The following PTCH1 variants were observed in gnomAD, a reference collection of about 807,000 sequenced individuals.
PTCH1 encodes the protein patched 1, also known as protein patched homolog 1.
Under a neutral mutation model 144.6 loss-of-function variants are expected in PTCH1, and 14 were observed. The ratio of observed to expected loss-of-function variants is 0.10; its 90% CI spans 0.06 to 0.15. PTCH1 has a LOEUF of 0.15. Among genes scored for constraint, PTCH1 ranks in the 10% least tolerant of loss-of-function variants. The pLI is 1.00. For synonymous variants in PTCH1, 833 were observed against 793.6 expected (o/e 1.05, Z -0.83); for missense variants, 1,623 against 1,948.3 (o/e 0.83, Z 3.14).
rs1839108227 is a variant in PTCH1 at position 95,458,097 on chromosome 9, C to T, written c.3084G>A (p.Leu1028=). 1 of 1,614,252 alleles carries T rather than the reference C, an allele frequency of 6.2e-7. No homozygotes were observed. ...WEQYIGLRHW[L]LLFISVVLAC... is the part of the protein sequence containing the mutation. ...CCAACACCACGCTGATGAACAGCAG[C>T]AGCCAGTGGCGGAGGCCGATGTACT... The change falls in exon 18 of 24, where the codon CTG becomes CTA. Residue 1028 remains leucine, a synonymous_variant. Coordinates refer to ENST00000331920, the MANE Select transcript of PTCH1 (RefSeq NM_000264.5). This position sits in a 1 kb window ranked among gnomAD's most constrained non-coding sequence, Gnocchi z 4.7.
At position 95,446,984 on chromosome 9, in the gene PTCH1, A is replaced by G. The variant is rs1340510752; in HGVS notation, c.4272T>C (p.Asp1424=). The change falls in exon 23 of 24, where the codon GAT becomes GAC. Residue 1424 remains aspartate (D), a synonymous_variant. Coordinates refer to ENST00000331920, the MANE Select transcript of PTCH1 (RefSeq NM_000264.5). ...GCAGCTCAATGACTTCCACCTTCGA[A>G]TCCCTCCTCTCACACCGGACGTGGA... is the stretch of plus-strand genomic sequence containing the variant. ...VPFHVRCERR[D]SKVEVIELQD... The G allele has an allele frequency of 1.9e-6, 3 of 1,613,888 alleles. No homozygotes were observed. Among genetic ancestry groups the G allele is most frequent in the Admixed American group, 3.3e-5 (2 of 60,002 alleles).
chr9:95,473,362 CA>C (rs1840743100), intron 12 of PTCH1, among the ~76,000 whole-genome samples: 1 of 152,030 alleles, frequency 6.6e-6, no homozygotes, highest in Non-Finnish European at 1.5e-5. Flanking sequence ...TAGCATCTTG[CA>C]AATATAAACA....
chr9:95,499,080 T>C (rs1842972314), intron 2 of PTCH1, among the ~76,000 whole-genome samples: 1 of 152,176 alleles, frequency 6.6e-6, no homozygotes, highest in South Asian at 2.1e-4. Flanking sequence ...AACCCAGTTC[T>C]TCCACTGTCC....
chr9:95,486,045 A>G (rs1007146464), intron 2 of PTCH1, among the ~76,000 whole-genome samples, 171 bp from the exon 3 acceptor site: 4 of 152,268 alleles, frequency 2.6e-5, no homozygotes, highest in Admixed American at 1.3e-4. Flanking sequence ...TAACTTCACC[A>G]ATAGTAAACA....
chr9:95,445,380 T>C lies in PTCH1; in HGVS notation c.*1013A>G, dbSNP rs2090916543. On this transcript the variant is annotated 3_prime_UTR_variant, in exon 24 of 24. Coordinates refer to ENST00000331920, the MANE Select transcript of PTCH1 (RefSeq NM_000264.5). ...GCTTTTTAGAGTATACAGACTCTCATGGCCCAGCCAAGGCTCAGCACTAGG... is the reference window on the plus strand; with the variant it reads ...GCTTTTTAGAGTATACAGACTCTCACGGCCCAGCCAAGGCTCAGCACTAGG... The C allele has an allele frequency of 6.6e-6, 1 of 152,170 alleles. No homozygotes were observed. The allele number at this position is 152,170 out of a possible 1,614,324, so 9.4% of individuals were successfully genotyped here.
rs757268536 is a variant in PTCH1, at chr9:95,456,402, C to T, written c.3180G>A (p.Leu1060=). 6.2e-7 allele frequency: 1 copy of T among 1,613,940 alleles called. No individual in the cohort carries two copies. Among genetic ancestry groups the T allele is most frequent in the Non-Finnish European group, 8.5e-7 (1 of 1,180,024 alleles). Residue 1060 remains leucine, a synonymous_variant, in exon 19 of 24, where the codon CTG becomes CTA. Coordinates refer to ENST00000331920, the MANE Select transcript of PTCH1 (RefSeq NM_000264.5). ...CGAACAGCTCGACCGTCATCAGCGC[C>T]AGGACCATCACCTGGAGCAGGGCAC... is the stretch of plus-strand genomic sequence containing the variant. ...PWTAGIIVMV[L]ALMTVELFGM...
At position 95,508,754 on chromosome 9, in the gene PTCH1, C is replaced by A. The variant is rs970427233; in HGVS notation, c.-393G>T. ...GTCCCCAACTCCCCCTACCCGCCCCCCGCCCCGCGCCGCGACCCCTTCACT... is the reference window on the plus strand; with the variant it reads ...GTCCCCAACTCCCCCTACCCGCCCCACGCCCCGCGCCGCGACCCCTTCACT... On this transcript the variant is annotated 5_prime_UTR_variant, in exon 1 of 24. Transcript: ENST00000331920. The A allele has an allele frequency of 5.7e-5, 56 of 984,498 alleles. No individual in the cohort carries two copies. The highest frequency in any genetic ancestry group is 6.4e-5 in the Non-Finnish European group (53 of 829,276). The allele number at this position is 984,498 out of a possible 1,614,324, so 61.0% of individuals were successfully genotyped here.
chr9:95,506,659 C>A (rs1341204707), intron 1 of PTCH1, 60 bp from the exon 2 acceptor site: 3 of 1,461,704 alleles, frequency 2.1e-6, no homozygotes, highest in Non-Finnish European at 2.7e-6. Flanking sequence ...CGCGCCCACG[C>A]CCGCTTGCGC....
chr9:95,447,819 G>A (rs1202391291), intron 22 of PTCH1, among the ~76,000 whole-genome samples: 3 of 152,216 alleles, frequency 2.0e-5, no homozygotes, highest in Non-Finnish European at 2.9e-5. Context: ...CTAAGTGTGC[G>A]GCCCTGGCTG....
chr9:95,468,642 A>T (rs572547790), intron 14 of PTCH1, 109 bp downstream of exon 14: 19 of 1,264,368 alleles, frequency 1.5e-5, no homozygotes, highest in East Asian at 2.5e-5. Flanking sequence ...CTTAAACGAA[A>T]TTTTTTTTTT....
intron 18 of PTCH1, among the ~76,000 whole-genome samples, chr9:95,457,036 G>T (rs1839004467): frequency 6.6e-6 from 1 of 152,146 alleles, no homozygotes; most frequent in Non-Finnish European, 1.5e-5. Context: ...GAAGAGCTGG[G>T]GACAGCTGGG....
intron 8 of PTCH1, among the ~76,000 whole-genome samples, chr9:95,478,659 C>T (rs371248883): frequency 7.2e-5 from 11 of 152,180 alleles, no homozygotes; most frequent in Non-Finnish European, 1.5e-4. Flanking sequence ...CATGACCTGA[C>T]CAAGGGGCCT....
At chr9:95,483,467 A>G (rs1330305217) in intron 3 of PTCH1, 1 of 150,704 alleles carries the variant, frequency 6.6e-6, no homozygotes, top group Non-Finnish European at 1.5e-5. Context: ...CAACTGCTCT[A>G]TTCTTGGCCT....
chr9:95,512,150 A>C (rs1377847273), upstream of PTCH1, among the ~76,000 whole-genome samples: 1 of 152,202 alleles, frequency 6.6e-6, no homozygotes, highest in Non-Finnish European at 1.5e-5. Flanking sequence ...ACGTCATTTC[A>C]GTGGCAAAGC....
intron 12 of PTCH1, among the ~76,000 whole-genome samples, chr9:95,473,331 T>C (rs577595170): frequency 6.6e-6 from 1 of 152,304 alleles, no homozygotes; most frequent in South Asian, 2.1e-4. Context: ...CTTGGGTCAC[T>C]CCCTTTTGAT....
chr9:95,474,315 C>T (rs371566664), intron 12 of PTCH1, among the ~76,000 whole-genome samples: 10 of 151,944 alleles, frequency 6.6e-5, no homozygotes, highest in South Asian at 2.1e-4. Flanking sequence ...ATACCAGCAC[C>T]GGCTGCACGT....
At position 95,480,377 on chromosome 9, in the gene PTCH1, T is replaced by C. The variant is rs1018279665; in HGVS notation, c.945+13A>G. 1.2e-6 allele frequency: 2 copies of C among 1,610,034 alleles called. No homozygotes were observed. The highest frequency in any genetic ancestry group is 1.4e-5 in the African/African-American group (1 of 73,746). ...TCTCCACCCTTCTGAGAGCGCTCAC[T>C]GCTGGTACTCACTTTGGTTGAATTT... On this transcript the variant is annotated intron_variant, in intron 6 of 23. Coordinates refer to ENST00000331920, the MANE Select transcript of PTCH1 (RefSeq NM_000264.5).
rs973294292 is a variant in PTCH1 at position 95,445,292 on chromosome 9, A to G, written c.*1101T>C. 6.6e-6 allele frequency: 1 copy of G among 152,178 alleles called. No homozygotes were observed. Among genetic ancestry groups the G allele is most frequent in the Non-Finnish European group, 1.5e-5 (1 of 68,062 alleles). The allele number at this position is 152,178 out of a possible 1,614,324, so 9.4% of individuals were successfully genotyped here. On this transcript the variant is annotated 3_prime_UTR_variant, in exon 24 of 24. Transcript: ENST00000331920. ...GTGACAGGGCCACATCCACTCTTGAATTTGGGGGTGTTGGGGGAGGGGTCG... is the reference window on the plus strand; with the variant it reads ...GTGACAGGGCCACATCCACTCTTGAGTTTGGGGGTGTTGGGGGAGGGGTCG...
At chr9:95,508,071 AAG>A (rs1469465192) in intron 1 of PTCH1, 88 bp downstream of exon 1, 18 of 1,578,134 alleles carry the variant, frequency 1.1e-5, no homozygotes, top group South Asian at 3.4e-5. Flanking sequence ...GAGAGAGAGG[AAG>A]AGAGTGTGTG....
Sources: gnomAD v4.1 joint callset for allele counts (sites outside exome capture counted in the v4.1 genomes callset) on GRCh38, gnomAD v4.1.1 for gene constraint, Gnocchi (gnomAD v3.1) non-coding constraint, MANE v1.5 for transcripts, NCBI Gene and HGNC (gene_info 2026-07-23, HGNC 2026-07-21) for gene names.